The following FAM135B variants were observed in gnomAD, a reference collection of about 807,000 sequenced individuals.
FAM135B encodes the protein family with sequence similarity 135 member B, also known as protein FAM135B.
Under a neutral mutation model 127.7 loss-of-function variants are expected in FAM135B, and 43 were observed. That is an observed-to-expected ratio of 0.34 (90% CI 0.26 to 0.43). FAM135B has a LOEUF of 0.43. Ranked by LOEUF, FAM135B falls within the 20% of genes least tolerant of loss-of-function variation. The pLI is 1.00. For synonymous variants in FAM135B, 670 were observed against 665.1 expected, an observed-to-expected ratio of 1.01 and a Z score of -0.11; for missense variants, 1,558 against 1,725.6, an observed-to-expected ratio of 0.90 and a Z score of 1.72.
At chr8:138,247,779 C>G (rs1359193036) in intron 6 of FAM135B, among the ~76,000 whole-genome samples, 1 of 152,210 alleles carries the variant, frequency 6.6e-6, no homozygotes, top group Non-Finnish European at 1.5e-5. Context: ...CTCTACTGCT[C>G]AAAACCTTCA....
At chr8:138,251,074 A>T (rs1190746485) in intron 5 of FAM135B, 60 bp from the exon 6 acceptor site, 1 of 1,594,102 alleles carries the variant, frequency 6.3e-7, no homozygotes, top group African/African-American at 1.3e-5. Flanking sequence ...CTGTCCTCCT[A>T]GCATGTCTGT....
chr8:138,308,792 C>T (rs1826452226), intron 3 of FAM135B, among the ~76,000 whole-genome samples: 1 of 152,128 alleles, frequency 6.6e-6, no homozygotes, highest in Admixed American at 6.5e-5. Flanking sequence ...TGACAGGACC[C>T]AAGCTCCTGT....
intron 1 of FAM135B, among the ~76,000 whole-genome samples, chr8:138,442,858 G>A (rs1293916263): frequency 6.6e-6 from 1 of 152,140 alleles, no homozygotes; most frequent in Admixed American, 6.6e-5. Context: ...GGACAGCAAT[G>A]GAGTTTGGGA....
intron 2 of FAM135B, among the ~76,000 whole-genome samples, chr8:138,344,580 T>TCTTTC (rs201264602): frequency 6.9e-6 from 1 of 144,476 alleles, no homozygotes; most frequent in Admixed American, 7.0e-5. Context: ...TTTCTTTCTT[T>TCTTTC]TTTTTTTTTT....
intron 1 of FAM135B, chr8:138,437,414 T>G (rs968087434): frequency 1.3e-5 from 2 of 152,104 alleles, no homozygotes; most frequent in Admixed American, 1.3e-4. Flanking sequence ...TGAGTTCTCA[T>G]GGGATCTGAT....
chr8:138,323,431 G>C lies in FAM135B; in HGVS notation c.78-12511C>G, dbSNP rs148293945. 4.8e-4 allele frequency among the ~76,000 whole-genome samples: 73 copies of C among 152,300 alleles called. No homozygotes were observed. In the East Asian group the frequency reaches 0.012, roughly 25 times the overall value. ...GCACATTGGCAGGTAAAGCAGACAG[G>C]AAATGACCCTTGGGCTGTTTGTCTC... On this transcript the variant is annotated intron_variant, in intron 2 of 19. Transcript: ENST00000395297.
At chr8:138,358,822 CT>C (rs1830241746) in intron 2 of FAM135B, among the ~76,000 whole-genome samples, 1 of 152,130 alleles carries the variant, frequency 6.6e-6, no homozygotes, top group Non-Finnish European at 1.5e-5. Context: ...TGGCATTCTG[CT>C]CTGCCTTTGA....
chr8:138,200,626 C>G (rs1261382389), intron 7 of FAM135B, among the ~76,000 whole-genome samples: 1 of 152,092 alleles, frequency 6.6e-6, no homozygotes, highest in Non-Finnish European at 1.5e-5. Flanking sequence ...ATGAAGTGTC[C>G]CATTCCCCCC....
intron 7 of FAM135B, among the ~76,000 whole-genome samples, chr8:138,240,490 T>C (rs1376068796): frequency 6.6e-6 from 1 of 152,206 alleles, no homozygotes; most frequent in Non-Finnish European, 1.5e-5. Context: ...CTGTGTGGCC[T>C]CAGTGTCTTG....
chr8:138,182,832 T>C (rs1815196248), intron 9 of FAM135B, among the ~76,000 whole-genome samples: 2 of 152,220 alleles, frequency 1.3e-5, no homozygotes, highest in Admixed American at 6.5e-5. Context: ...TAGGAGGCTA[T>C]AAGTCCACCA....
chr8:138,147,219 C>G (rs1817728394), intron 14 of FAM135B, among the ~76,000 whole-genome samples: 1 of 151,320 alleles, frequency 6.6e-6, no homozygotes, highest in South Asian at 2.1e-4. Flanking sequence ...AAATTAGGCT[C>G]TTTGGTCCCA....
chr8:138,468,436 C>T (rs888874241), intron 1 of FAM135B, among the ~76,000 whole-genome samples: 5 of 152,148 alleles, frequency 3.3e-5, no homozygotes, highest in South Asian at 4.1e-4. Context: ...ACTTGTGTCT[C>T]CCAATCCCAA....
rs1205224715 is a variant in FAM135B at position 138,493,969 on chromosome 8, G to A, written c.-20+2702C>T. Among the ~76,000 whole-genome samples, 3 of 78,398 alleles carry A rather than the reference G, an allele frequency of 3.8e-5. No individual in the cohort carries two copies. The African/African-American group carries it at 1.3e-3, about 33-fold the overall frequency. 51.4% of individuals were successfully genotyped at this position (78,398 alleles called of 152,430 possible). ...TTTACTATACTGGAGCTGAAATCAAGGAAAGAAATTGAAGCGAGAAAAAGA... is the reference window on the plus strand; with the variant it reads ...TTTACTATACTGGAGCTGAAATCAAAGAAAGAAATTGAAGCGAGAAAAAGA... On this transcript the variant is annotated intron_variant, in intron 1 of 19. Transcript: ENST00000395297.
intron 9 of FAM135B, among the ~76,000 whole-genome samples, chr8:138,183,346 T>C (rs11780230): frequency 0.38 from 57,044 of 151,992 alleles, 11,271 homozygotes; most frequent in Admixed American, 0.47. Context: ...TGGGAGGCAA[T>C]GTCTGGACCC....
intron 2 of FAM135B, among the ~76,000 whole-genome samples, chr8:138,347,923 A>G (rs943297788): frequency 2.6e-5 from 4 of 152,110 alleles, no homozygotes; most frequent in Admixed American, 6.5e-5. Context: ...TTAAGAAATA[A>G]ATGAGATAAT....
intron 12 of FAM135B, among the ~76,000 whole-genome samples, chr8:138,154,533 G>A (rs1264064938): frequency 2.6e-5 from 4 of 151,962 alleles, no homozygotes; most frequent in Non-Finnish European, 5.9e-5. Context: ...CATAAAGAAG[G>A]TAAAAACCTT....
Position 138,380,061 on chromosome 8 carries a change from C to T in FAM135B, c.-19-12059G>A, listed in dbSNP as rs984924448. On this transcript the variant is annotated intron_variant, in intron 1 of 19. Transcript: ENST00000395297. Reference sequence around the variant, plus strand: ...TTTCATTTGCAGAACGGCAGTGCACCGCACCCAATTCAAGTTGAATCACAT... The same window carrying T: ...TTTCATTTGCAGAACGGCAGTGCACTGCACCCAATTCAAGTTGAATCACAT... 5.3e-5 allele frequency among the ~76,000 whole-genome samples: 8 copies of T among 152,244 alleles called. No homozygotes were observed. In the South Asian group the frequency reaches 6.2e-4, roughly 12 times the overall value.
At chr8:138,345,393 T>C (rs1337855590) in intron 2 of FAM135B, among the ~76,000 whole-genome samples, 3 of 152,184 alleles carry the variant, frequency 2.0e-5, no homozygotes, top group South Asian at 2.1e-4. Flanking sequence ...GAGAGAACAC[T>C]GCAGATGGAA....
Position 138,368,010 on chromosome 8 carries a change from A to G in FAM135B, c.-19-8T>C, listed in dbSNP as rs1394343942. On this transcript the variant is annotated splice_region_variant and splice_polypyrimidine_tract_variant and intron_variant, in intron 1 of 19. Coordinates refer to ENST00000395297, the MANE Select transcript of FAM135B (RefSeq NM_015912.4). ...ATCTTTTTGGCTCATTACCTGAAAA[A>G]CAAGAGAGAAATTAACAGTTTGAGA... 5.0e-6 allele frequency: 8 copies of G among 1,598,412 alleles called. No individual in the cohort carries two copies. Among genetic ancestry groups the G allele is most frequent in the Non-Finnish European group, 6.9e-6 (8 of 1,166,112 alleles).
Sources: gnomAD v4.1 joint callset for allele counts (sites outside exome capture counted in the v4.1 genomes callset) on GRCh38, gnomAD v4.1.1 for gene constraint, MANE v1.5 for transcripts, NCBI Gene and HGNC (gene_info 2026-07-23, HGNC 2026-07-21) for gene names.